Variants in RRAS2 observed in about 807,000 individuals in gnomAD.
RRAS2 encodes ras-related protein R-Ras2.
A neutral mutation model predicts 27.6 loss-of-function variants in RRAS2; 7 were observed. The ratio of observed to expected loss-of-function variants is 0.25; its 90% CI spans 0.14 to 0.48. The LOEUF (loss-of-function observed/expected upper bound fraction) is 0.48, where lower values mean the gene tolerates loss of function less well. Among genes scored for constraint, RRAS2 ranks in the 20% least tolerant of loss-of-function variants. The pLI is 0.99. For synonymous variants in RRAS2, 86 were observed against 90.9 expected (o/e 0.95, Z 0.31); for missense variants, 178 against 256.2 (o/e 0.69, Z 2.08).
chr11:14,296,820 T>TA lies in RRAS2; in HGVS notation c.109-966dup, dbSNP rs1375828630. On this transcript the variant is annotated intron_variant, in intron 1 of 5. Coordinates refer to ENST00000256196, the MANE Select transcript of RRAS2 (RefSeq NM_012250.6). ...CTCCCAACTACCGAAGTCATTACCA[T>TA]AAAAAAAAGGGGGGGGACAGTTAAA... is the stretch of plus-strand genomic sequence containing the variant. 6.6e-5 allele frequency among the ~76,000 whole-genome samples: 10 copies of TA among 150,606 alleles called. No individual in the cohort carries two copies. The South Asian group carries it at 8.4e-4, about 13-fold the overall frequency.
intron 1 of RRAS2, among the ~76,000 whole-genome samples, chr11:14,357,449 C>T (rs1849106437): frequency 6.6e-6 from 1 of 152,202 alleles, no homozygotes; most frequent in East Asian, 1.9e-4. Flanking sequence ...AAACTTAAAC[C>T]AATCTCACCC....
At chr11:14,297,043 AG>A (rs1244021380) in intron 1 of RRAS2, among the ~76,000 whole-genome samples, 1 of 152,172 alleles carries the variant, frequency 6.6e-6, no homozygotes, top group African/African-American at 2.4e-5. Context: ...AAAAAGAAAA[AG>A]GTTTAAAAAA....
intron 1 of RRAS2, among the ~76,000 whole-genome samples, chr11:14,319,631 T>C (rs1848184552): frequency 6.6e-6 from 1 of 152,170 alleles, no homozygotes; most frequent in African/African-American, 2.4e-5. Flanking sequence ...GTGCTGGGAT[T>C]ACAGGCGTGA....
At chr11:14,291,158 A>G (rs1192418119) in intron 4 of RRAS2, among the ~76,000 whole-genome samples, 3 of 152,244 alleles carry the variant, frequency 2.0e-5, no homozygotes, top group African/African-American at 7.2e-5. Flanking sequence ...TCACAGAAAC[A>G]GGAAAACATA....
At chr11:14,314,741 G>A (rs1848057289) in intron 1 of RRAS2, among the ~76,000 whole-genome samples, 1 of 152,192 alleles carries the variant, frequency 6.6e-6, no homozygotes, top group Non-Finnish European at 1.5e-5. Flanking sequence ...CCATGCTGGA[G>A]TGCAGTGGTG....
At chr11:14,297,056 A>T (rs1383906682) in intron 1 of RRAS2, among the ~76,000 whole-genome samples, 1 of 152,176 alleles carries the variant, frequency 6.6e-6, no homozygotes, top group Admixed American at 6.5e-5. Context: ...TTTAAAAAAG[A>T]TAACAACAAT....
chr11:14,291,411 T>A (rs1308400355), intron 4 of RRAS2, among the ~76,000 whole-genome samples: 1 of 152,148 alleles, frequency 6.6e-6, no homozygotes, highest in Non-Finnish European at 1.5e-5. Context: ...CTTTTCTTTG[T>A]GTCTATCCTT....
chr11:14,324,404 ATAAT>A (rs1251385751), intron 1 of RRAS2, among the ~76,000 whole-genome samples: 2 of 151,896 alleles, frequency 1.3e-5, no homozygotes, highest in African/African-American at 2.4e-5. Context: ...AGGGAAAGAA[ATAAT>A]TAAGCTTTAA....
rs2133955794 is a variant in RRAS2 at position 14,290,902 on chromosome 11, G to T, written c.408+3569C>A. ...TATGCTGTAGTTTTTTTGTTTTAAA[G>T]ATAAGAGACATTGTAGCATGTTGTA... On this transcript the variant is annotated intron_variant, in intron 4 of 5. Transcript: ENST00000256196. Among the ~76,000 whole-genome samples the T allele has an allele frequency of 1.3e-5, 2 of 152,318 alleles. 1 individual carries two copies. The highest frequency in any genetic ancestry group is 3.9e-4 in the East Asian group (2 of 5,184).
intron 1 of RRAS2, among the ~76,000 whole-genome samples, chr11:14,334,268 T>C (rs1178994496): frequency 6.6e-6 from 1 of 152,186 alleles, no homozygotes. Context: ...TAAAAATCGT[T>C]TATTGTTTTA....
At chr11:14,290,397 G>T (rs782192362) in intron 4 of RRAS2, among the ~76,000 whole-genome samples, 1 of 152,094 alleles carries the variant, frequency 6.6e-6, no homozygotes, top group Non-Finnish European at 1.5e-5. Context: ...TGCAGTGAGC[G>T]GAGATCGTGC....
intron 1 of RRAS2, among the ~76,000 whole-genome samples, chr11:14,329,985 G>C (rs1848452685): frequency 1.3e-5 from 2 of 152,022 alleles, no homozygotes; most frequent in African/African-American, 4.8e-5. Flanking sequence ...TGAAGCAGAT[G>C]GACTGCTTCA....
intron 4 of RRAS2, among the ~76,000 whole-genome samples, chr11:14,286,723 G>A (rs990613654): frequency 5.9e-5 from 9 of 152,158 alleles, no homozygotes; most frequent in East Asian, 1.9e-4. Flanking sequence ...ACAGGATAAC[G>A]GGCAGGTTCT....
intron 4 of RRAS2, 147 bp downstream of exon 4, chr11:14,294,324 C>T: frequency 2.2e-6 from 1 of 451,720 alleles, no homozygotes; most frequent in Non-Finnish European, 3.9e-6. Flanking sequence ...TCTGTAAATA[C>T]AGTGTGCCAG....
At chr11:14,354,812 GATTAC>G (rs1849039141) in intron 1 of RRAS2, among the ~76,000 whole-genome samples, 1 of 151,702 alleles carries the variant, frequency 6.6e-6, no homozygotes, top group Non-Finnish European at 1.5e-5. Context: ...GAGTAACTGG[GATTAC>G]AAGCACGCAC....
At chr11:14,321,135 G>C (rs1055062662) in intron 1 of RRAS2, among the ~76,000 whole-genome samples, 1 of 151,706 alleles carries the variant, frequency 6.6e-6, no homozygotes, top group African/African-American at 2.4e-5. Flanking sequence ...AGCCGAGATC[G>C]GCCAGTGCAC....
intron 1 of RRAS2, among the ~76,000 whole-genome samples, chr11:14,354,010 T>G (rs1198955145): frequency 6.6e-6 from 1 of 152,242 alleles, no homozygotes; most frequent in Non-Finnish European, 1.5e-5. Context: ...ACAGTTTAAG[T>G]AGTTTCTAAT....
chr11:14,362,046 T>C (rs1849196943), upstream of RRAS2, among the ~76,000 whole-genome samples: 1 of 152,208 alleles, frequency 6.6e-6, no homozygotes, highest in Non-Finnish European at 1.5e-5. Context: ...GGCAAATCTA[T>C]AGATACAGGA....
intron 1 of RRAS2, among the ~76,000 whole-genome samples, chr11:14,329,697 A>G (rs532892579): frequency 6.6e-6 from 1 of 152,340 alleles, no homozygotes; most frequent in South Asian, 2.1e-4. Flanking sequence ...TAGAACAAAA[A>G]AGCAGAAATC....
Sources: gnomAD v4.1 joint callset for allele counts (sites outside exome capture counted in the v4.1 genomes callset) on GRCh38, gnomAD v4.1.1 for gene constraint, MANE v1.5 for transcripts, NCBI Gene and HGNC (gene_info 2026-07-23, HGNC 2026-07-21) for gene names.